Variants in MTIF3 observed in about 807,000 individuals in gnomAD.
The protein encoded by MTIF3 is mitochondrial translational initiation factor 3, also known as translation initiation factor IF-3, mitochondrial.
Under a neutral mutation model 20.7 loss-of-function variants are expected in MTIF3, and 13 were observed. The ratio of observed to expected loss-of-function variants is 0.63; its 90% CI spans 0.41 to 1.00. The LOEUF is 1.00. Among genes scored for constraint, MTIF3 ranks in the 50% least tolerant of loss-of-function variants. MTIF3 has a pLI of 0.00. For missense variants in MTIF3, 295 were observed against 324.5 expected (o/e 0.91, Z 0.70); for synonymous variants, 114 against 112.5 (o/e 1.01, Z -0.08).
At chr13:27,439,892 T>C (rs1161850433) in intron 3 of MTIF3, 97 bp downstream of exon 3, 1 of 1,063,326 alleles carries the variant, frequency 9.4e-7, no homozygotes, top group East Asian at 2.6e-5. Context: ...TAGTTTCTCA[T>C]TTCCCTCTTG....
At chr13:27,442,317 CTA>C (rs920266607) in intron 2 of MTIF3, among the ~76,000 whole-genome samples, 1 of 152,198 alleles carries the variant, frequency 6.6e-6, no homozygotes, top group African/African-American at 2.4e-5. Flanking sequence ...CTCACCTTCT[CTA>C]CTGCTATCAT....
chr13:27,440,111 T>C lies in MTIF3; in HGVS notation c.338A>G (p.Asp113Gly). 6.2e-7 allele frequency: 1 copy of C among 1,614,240 alleles called. No homozygotes were observed. The highest frequency in any genetic ancestry group is 8.5e-7 in the Non-Finnish European group (1 of 1,180,042). ...GGTGTTCCTTTGAACCAGTCGCAGGTCTCGCTCATCCATAAGTCTAATCAC... is the reference window on the plus strand; with the variant it reads ...GGTGTTCCTTTGAACCAGTCGCAGGCCTCGCTCATCCATAAGTCTAATCAC... The part of the protein sequence containing the change: ...ANVIRLMDER[D>G]LRLVQRNTST... The change falls in exon 3 of 5, where the codon GAC becomes GGC. Residue 113 changes from aspartate to glycine, a missense_variant. Physicochemically the swap from Asp to Gly is moderately conservative, Grantham distance 94. Transcript: ENST00000381120.
At chr13:27,450,083 G>GC (rs1954311244) in intron 1 of MTIF3, 1 of 152,310 alleles carries the variant, frequency 6.6e-6, no homozygotes, top group South Asian at 2.1e-4. Context: ...GCAGTAAGCC[G>GC]CAAGAGCACT....
chr13:27,440,809 T>C (rs943951090), intron 2 of MTIF3, among the ~76,000 whole-genome samples: 1 of 151,956 alleles, frequency 6.6e-6, no homozygotes, highest in Non-Finnish European at 1.5e-5. Flanking sequence ...ACAGACCCCC[T>C]GTGCAGTTGA....
At chr13:27,440,561 G>A (rs1312039082) in intron 2 of MTIF3, 112 bp from the exon 3 acceptor site, 40 of 791,802 alleles carry the variant, frequency 5.1e-5, no homozygotes, top group Non-Finnish European at 6.9e-5. Flanking sequence ...AACTGCAAGT[G>A]TGAGGGAAAT....
intron 3 of MTIF3, among the ~76,000 whole-genome samples, chr13:27,438,509 T>TTTTTTTA (rs1555259812): frequency 8.1e-6 from 1 of 123,612 alleles, no homozygotes; most frequent in Non-Finnish European, 1.8e-5. Flanking sequence ...TTTTTTTTTT[T>TTTTTTTA]AAACACAGGG....
rs191729623 is a variant in MTIF3, at chr13:27,435,884, A to G, written c.628T>C (p.Phe210Leu). Residue 210 changes from phenylalanine to leucine, a missense_variant, in exon 5 of 5, where the codon TTT (phenylalanine) becomes CTT (leucine). Transcript: ENST00000381120. ...DVSENEMEEIFHQILQTMPGI... is the reference protein window; with the variant it reads ...DVSENEMEEILHQILQTMPGI... ...GGCATAGTCTGGAGTATTTGATGAA[A>G]TATCTCCTCCTAAAAAAGGGAAACA... The G allele has an allele frequency of 6.2e-7, 1 of 1,610,566 alleles. No homozygotes were observed. Among genetic ancestry groups the G allele is most frequent in the Non-Finnish European group, 8.5e-7 (1 of 1,178,018 alleles).
chr13:27,446,073 T>C (rs1954173504), intron 1 of MTIF3, among the ~76,000 whole-genome samples: 1 of 152,188 alleles, frequency 6.6e-6, no homozygotes. Flanking sequence ...TCTTTTTTTT[T>C]TGAGACAGGT....
intron 4 of MTIF3, among the ~76,000 whole-genome samples, chr13:27,436,107 T>C (rs1953730944): frequency 6.6e-6 from 1 of 152,184 alleles, no homozygotes; most frequent in African/African-American, 2.4e-5. Context: ...TTCCTAATTT[T>C]AAATCTCCAC....
chr13:27,438,950 G>A lies in MTIF3; in HGVS notation c.460+1039C>T, dbSNP rs190380600. Among the ~76,000 whole-genome samples the A allele has an allele frequency of 2.0e-5, 3 of 152,292 alleles. No individual in the cohort carries two copies. The East Asian group carries it at 5.8e-4, about 29-fold the overall frequency. On this transcript the variant is annotated intron_variant, in intron 3 of 4. Transcript: ENST00000381120. ...GTTTTCTGAAGGCACACAACCTCAC[G>A]ATGCAGTGCTGGGAGCAGTCATCTG...
intron 1 of MTIF3, chr13:27,450,140 A>C (rs1954315569): frequency 6.6e-6 from 1 of 152,280 alleles, no homozygotes; most frequent in Non-Finnish European, 1.5e-5. Flanking sequence ...GGCGACGCCC[A>C]CCTGCAGAAC....
intron 1 of MTIF3, among the ~76,000 whole-genome samples, chr13:27,449,607 G>A (rs1225986385): frequency 1.3e-5 from 2 of 152,166 alleles, no homozygotes; most frequent in African/African-American, 4.8e-5. Context: ...CCAATTTACT[G>A]AGCTTAACAC....
intron 3 of MTIF3, among the ~76,000 whole-genome samples, chr13:27,438,687 G>T (rs1953886527): frequency 6.6e-6 from 1 of 151,808 alleles, no homozygotes; most frequent in South Asian, 2.1e-4. Context: ...GTAGAGATGG[G>T]GTTTTGCTAT....
intron 3 of MTIF3, among the ~76,000 whole-genome samples, chr13:27,438,186 G>C (rs1485429589): frequency 6.6e-6 from 1 of 152,074 alleles, no homozygotes; most frequent in Non-Finnish European, 1.5e-5. Context: ...TATGCACCAG[G>C]GTTCATCATA....
chr13:27,444,472 G>A (rs1380631119), intron 2 of MTIF3, among the ~76,000 whole-genome samples: 4 of 152,098 alleles, frequency 2.6e-5, no homozygotes, highest in African/African-American at 9.7e-5. Flanking sequence ...CTTTAAATCA[G>A]CAAAATTGAA....
intron 4 of MTIF3, among the ~76,000 whole-genome samples, chr13:27,436,534 T>A (rs1953760600): frequency 6.6e-6 from 1 of 152,124 alleles, no homozygotes; most frequent in Non-Finnish European, 1.5e-5. Context: ...ATCTATAAAG[T>A]TTCTAATTTT....
intron 3 of MTIF3, 23 bp from the exon 4 acceptor site, chr13:27,437,296 C>T (rs765839554): frequency 3.7e-6 from 6 of 1,610,118 alleles, no homozygotes; most frequent in South Asian, 3.3e-5. Context: ...AGATAGGGTG[C>T]AAGGACTACT....
In MTIF3 at chr13:27,435,762, T is replaced by G. The variant is rs772052797; in HGVS notation, c.750A>C (p.Ala250=). ...CCTGGGTCTCTTGAGTTTCTTTATA[T>G]GCCTTCTCCTCATTTTTGCTGAAAG... ...LRAFSKNEEK[A]YKETQETQER... The change falls in exon 5 of 5, where the codon GCA becomes GCC. Residue 250 remains alanine, a synonymous_variant. Transcript: ENST00000381120. The G allele has an allele frequency of 1.2e-6, 2 of 1,614,180 alleles. No individual in the cohort carries two copies. The highest frequency in any genetic ancestry group is 1.7e-6 in the Non-Finnish European group (2 of 1,179,986).
intron 1 of MTIF3, chr13:27,450,308 G>A (rs943277430): frequency 6.6e-6 from 1 of 151,696 alleles, no homozygotes; most frequent in African/African-American, 2.4e-5. Flanking sequence ...TTCGTGCAGC[G>A]GCCTCGCTGA....
Sources: allele counts gnomAD v4.1 joint callset (sites outside exome capture counted in the v4.1 genomes callset), GRCh38; gene constraint gnomAD v4.1.1; transcripts MANE v1.5; gene names NCBI Gene and HGNC (gene_info 2026-07-23, HGNC 2026-07-21).